Variants in ZNF888 observed in about 807,000 individuals in gnomAD.
The protein encoded by ZNF888 is zinc finger protein 888.
ZNF888 carries 5 observed loss-of-function variants against 7.2 expected under a neutral mutation model. The ratio of observed to expected loss-of-function variants is 0.70; its 90% CI spans 0.36 to 1.46. The LOEUF is 1.46. Ranked by LOEUF, ZNF888 falls within the 40% of genes most tolerant of loss-of-function variation. The pLI is 0.03. For synonymous variants in ZNF888, 240 were observed against 284.3 expected (o/e 0.84, Z 1.57); for missense variants, 716 against 858.0 (o/e 0.83, Z 2.07).
In ZNF888 at chr19:52,906,271, T is replaced by G; in HGVS notation, c.2051A>C (p.His684Pro). Reference sequence around the variant, plus strand: ...ACACTTGAAAGGTTTCTCTCCAGTATGAATTCTAGTATGTTGTGCCAGGTG... The same window carrying G: ...ACACTTGAAAGGTTTCTCTCCAGTAGGAATTCTAGTATGTTGTGCCAGGTG... ...YSHLAQHTRI[H>P]TGEKPFKCSE... is the part of the protein sequence containing the mutation. Residue 684 changes from histidine (H) to proline (P), a missense_variant, in exon 5 of 5, where the codon CAT becomes CCT. This residue lies in a region of ZNF888 where 697 missense variants were observed against 803.4 expected (regional missense o/e 0.87). Transcript: ENST00000638862. 1 of 1,612,414 alleles carries G rather than the reference T, an allele frequency of 6.2e-7. No individual in the cohort carries two copies. The highest frequency in any genetic ancestry group is 8.5e-7 in the Non-Finnish European group (1 of 1,179,036).
In ZNF888 at chr19:52,907,418, C is replaced by T; in HGVS notation, c.904G>A (p.Glu302Lys). The T allele has an allele frequency of 6.2e-7, 1 of 1,612,226 alleles. No homozygotes were observed. The highest frequency in any genetic ancestry group is 1.3e-5 in the African/African-American group (1 of 75,012). The change falls in exon 5 of 5, where the codon GAG becomes AAG. Residue 302 changes from glutamate to lysine, a missense_variant. By Grantham distance (56) the Glu-to-Lys change is moderately conservative. Around this residue, in one of 2 missense-constraint regions of ZNF888, gnomAD observed 697 missense variants for 803.4 expected, o/e 0.87. Transcript: ENST00000638862. ...TTGTCACTGAACGTCTTGCCACACT[C>T]ATTACACTTGTAAGGTTTTTCTCCA... ...HTGEKPYKCN[E>K]CGKTFSDKSA...
intron 4 of ZNF888, among the ~76,000 whole-genome samples, chr19:52,912,454 G>C (rs116799301): frequency 0.014 from 2,115 of 150,562 alleles, 40 homozygotes; most frequent in African/African-American, 0.049. Context: ...GGCCGGGCAC[G>C]GTGTCTCATG....
chr19:52,909,463 G>C (rs1397733551), intron 4 of ZNF888, among the ~76,000 whole-genome samples: 1 of 151,734 alleles, frequency 6.6e-6, no homozygotes, highest in Non-Finnish European at 1.5e-5. Flanking sequence ...GGCAAGGCTC[G>C]TCTCGAACTC....
At chr19:52,912,840 A>T (rs2064702491) in intron 4 of ZNF888, among the ~76,000 whole-genome samples, 1 of 151,956 alleles carries the variant, frequency 6.6e-6, no homozygotes, top group Admixed American at 6.6e-5. Context: ...GGACATGGTG[A>T]CTCATGCCTG....
intron 4 of ZNF888, among the ~76,000 whole-genome samples, chr19:52,912,199 C>G (rs1445968696): frequency 6.8e-6 from 1 of 146,726 alleles, no homozygotes. Context: ...CTGCAAGCTC[C>G]GCCTCCCGGG....
At chr19:52,911,800 A>ATATTT (rs137888089) in intron 4 of ZNF888, among the ~76,000 whole-genome samples, 2 of 151,658 alleles carry the variant, frequency 1.3e-5, no homozygotes, top group Non-Finnish European at 2.9e-5. Context: ...TAGCAGTAAC[A>ATATTT]TATTTTATTT....
chr19:52,911,951 G>C (rs1051928199), intron 4 of ZNF888, among the ~76,000 whole-genome samples: 26 of 151,318 alleles, frequency 1.7e-4, no homozygotes, highest in African/African-American at 6.1e-4. Flanking sequence ...CAGGTTGCTG[G>C]GACTACAGGC....
At position 52,906,038 on chromosome 19, in the gene ZNF888, C is replaced by G. The variant is rs1248416819; in HGVS notation, c.*127G>C. ...CCAGTATGAGTTCACCCATGAACTA[C>G]AGCGTATGAACGATGTCTGAAAAAT... On this transcript the variant is annotated 3_prime_UTR_variant, in exon 5 of 5. Coordinates refer to ENST00000638862, the MANE Select transcript of ZNF888 (RefSeq NM_001393938.1). 1 of 1,376,778 alleles carries G rather than the reference C, an allele frequency of 7.3e-7. No homozygotes were observed. The highest frequency in any genetic ancestry group is 1.0e-6 in the Non-Finnish European group (1 of 967,130). The allele number at this position is 1,376,778 out of a possible 1,614,324, so 85.3% of individuals were successfully genotyped here.
Position 52,907,627 on chromosome 19 carries a change from T to A in ZNF888, c.695A>T (p.His232Leu), listed in dbSNP as rs1212938429. The part of the protein sequence containing the change: ...SFNCSSLFKK[H>L]QIIHLGEKQY... ...TTTCTCTCCTAGATGAATTATCTGA[T>A]GTTTTTTAAAGAGTGAGCTACAATT... Residue 232 changes from histidine (H) to leucine (L), a missense_variant, in exon 5 of 5, where the codon CAT becomes CTT. Physicochemically the swap from His to Leu is moderately conservative, Grantham distance 99. Coordinates refer to ENST00000638862, the MANE Select transcript of ZNF888 (RefSeq NM_001393938.1). 1 of 1,601,790 alleles carries A rather than the reference T, an allele frequency of 6.2e-7. No individual in the cohort carries two copies. Among genetic ancestry groups the A allele is most frequent in the Non-Finnish European group, 8.5e-7 (1 of 1,175,854 alleles).
rs11283653 is a variant in ZNF888 at position 52,922,268 on chromosome 19, T to TATGCGC, written c.-178+1100_-178+1101insGCGCAT. On this transcript the variant is annotated intron_variant, in intron 1 of 4. Coordinates refer to ENST00000638862, the MANE Select transcript of ZNF888 (RefSeq NM_001393938.1). ...ATAGATTTCCACCTCTTCTCCCATC[T>TATGCGC]CTCCTGAGCTCTCCCTGTTAAATTC... 2.6e-5 allele frequency among the ~76,000 whole-genome samples: 4 copies of TATGCGC among 151,794 alleles called. No homozygotes were observed. The South Asian group carries it at 6.2e-4, about 24-fold the overall frequency.
At chr19:52,919,838 C>G (rs1185280418) in intron 1 of ZNF888, among the ~76,000 whole-genome samples, 1 of 59,982 alleles carries the variant, frequency 1.7e-5, no homozygotes, top group African/African-American at 5.6e-5. Flanking sequence ...AGGAGCGTCT[C>G]TGCCCGGCCG....
At chr19:52,918,670 G>A (rs569241543) in intron 2 of ZNF888, 149 bp downstream of exon 2, 1 of 152,506 alleles carries the variant, frequency 6.6e-6, no homozygotes, top group Non-Finnish European at 1.5e-5. Flanking sequence ...GGAGGCTGAG[G>A]TTGGAGGATC....
Position 52,906,585 on chromosome 19 carries a change from C to G in ZNF888, c.1737G>C (p.Lys579Asn). Residue 579 changes from lysine to asparagine, a missense_variant, in exon 5 of 5, where the codon AAG becomes AAC. Around this residue, in one of 2 missense-constraint regions of ZNF888, gnomAD observed 697 missense variants for 803.4 expected, o/e 0.87. Transcript: ENST00000638862. ...HRLHTGEKPY[K>N]CNECGKVFRT... is the part of the protein sequence containing the mutation. ...TAAAAACCTTGCCACATTCATTACA[C>G]TTGTAAGGTTTCTCTCCAGTATGAA... 6.2e-7 allele frequency: 1 copy of G among 1,613,584 alleles called. No homozygotes were observed. Among genetic ancestry groups the G allele is most frequent in the Non-Finnish European group, 8.5e-7 (1 of 1,179,788 alleles).
rs1600673476 is a variant in ZNF888, at chr19:52,905,700, G to T, written c.*465C>A. ...CTCAAACTCAAGTCAATGCTGAACT[G>T]ACTCTAGTGTCAATTAATGCTTGAT... On this transcript the variant is annotated 3_prime_UTR_variant, in exon 5 of 5. Coordinates refer to ENST00000638862, the MANE Select transcript of ZNF888 (RefSeq NM_001393938.1). 2 of 440,914 alleles carry T rather than the reference G, an allele frequency of 4.5e-6. No homozygotes were observed. The highest frequency in any genetic ancestry group is 3.8e-5 in the South Asian group (2 of 53,116). The allele number at this position is 440,914 out of a possible 1,614,324, so 27.3% of individuals were successfully genotyped here. A position where few individuals can be genotyped will look rare whatever the true frequency, so the allele number is the denominator to read the frequency against.
At chr19:52,921,621 A>C in intron 1 of ZNF888, 12 of 976,040 alleles carry the variant, frequency 1.2e-5, no homozygotes, top group Non-Finnish European at 1.5e-5. Context: ...TTTCCTTACA[A>C]GAAAATTACA....
Position 52,907,721 on chromosome 19 carries a change from G to C in ZNF888, c.601C>G (p.Leu201Val). 3.1e-6 allele frequency: 5 copies of C among 1,613,162 alleles called. No homozygotes were observed. Among genetic ancestry groups the C allele is most frequent in the Non-Finnish European group, 4.2e-6 (5 of 1,179,594 alleles). Residue 201 changes from leucine (L) to valine (V), a missense_variant, in exon 5 of 5, where the codon CTC (leucine) becomes GTC (valine). By Grantham distance (32) the Leu-to-Val change is conservative. Around this residue, in one of 2 missense-constraint regions of ZNF888, gnomAD observed 697 missense variants for 803.4 expected, o/e 0.87. Coordinates refer to ENST00000638862, the MANE Select transcript of ZNF888 (RefSeq NM_001393938.1). ...YGNNFFHSSL[L>V]TQKQDVHRKE... ...CTGTGTACATCCTGTTTCTGTGTGA[G>C]TAATGAAGAATGGAAGAAATTATTC...
At chr19:52,917,993 C>G (rs2064770965) in intron 2 of ZNF888, 62 bp from the exon 3 acceptor site, 1 of 1,569,156 alleles carries the variant, frequency 6.4e-7, no homozygotes, top group Admixed American at 1.8e-5. Context: ...CAACATACCC[C>G]CTCCCTGTAA....
rs1391532050 is a variant in ZNF888, at chr19:52,919,350, TG to T, written c.-177-414del. On this transcript the variant is annotated intron_variant, in intron 1 of 4. Coordinates refer to ENST00000638862, the MANE Select transcript of ZNF888 (RefSeq NM_001393938.1). ...GCCTGACTGGTTTTCATGTTTTTTT[TG>T]GTGGAGACGGGGTTTCGCTGTGTTG... Among the ~76,000 whole-genome samples the T allele has an allele frequency of 3.0e-5, 2 of 66,382 alleles. 1 individual carries two copies. Among genetic ancestry groups the T allele is most frequent in the Non-Finnish European group, 7.1e-5 (2 of 28,000 alleles). The allele number at this position is 66,382 out of a possible 152,430, so 43.5% of individuals were successfully genotyped here.
chr19:52,906,073 TTAC>T lies in ZNF888; in HGVS notation c.*89_*91del. On this transcript the variant is annotated 3_prime_UTR_variant, in exon 5 of 5. Coordinates refer to ENST00000638862, the MANE Select transcript of ZNF888 (RefSeq NM_001393938.1). ...ACGATGTCTGAAAAATTTGCCACAT[TTAC>T]TACACTTGTAAGATCTCTATTCATT... is the stretch of plus-strand genomic sequence containing the variant. 6.3e-7 allele frequency: 1 copy of T among 1,596,654 alleles called. No individual in the cohort carries two copies. The highest frequency in any genetic ancestry group is 8.6e-7 in the Non-Finnish European group (1 of 1,165,334).
Sources: gnomAD v4.1 joint callset for allele counts (sites outside exome capture counted in the v4.1 genomes callset) on GRCh38, gnomAD v4.1.1 for gene constraint, gnomAD v4.1.1 regional missense constraint, MANE v1.5 for transcripts, NCBI Gene and HGNC (gene_info 2026-07-23, HGNC 2026-07-21) for gene names.